The following WDR1 variants were observed in gnomAD, a reference collection of about 807,000 sequenced individuals.
WDR1 encodes the protein WD repeat-containing protein 1.
Under a neutral mutation model 71.9 loss-of-function variants are expected in WDR1, and 21 were observed. That is an observed-to-expected ratio of 0.29 (90% CI 0.21 to 0.42). The LOEUF is 0.42. Among genes scored for constraint, WDR1 ranks in the 10% least tolerant of loss-of-function variants. The probability of loss-of-function intolerance (pLI) is 1.00; values close to 1 mark genes in which losing one functional copy is unlikely to be tolerated. For missense variants in WDR1, 696 were observed against 824.5 expected (o/e 0.84, Z 1.91); for synonymous variants, 424 against 347.4 (o/e 1.22, Z -2.45).
chr4:10,084,234 C>A (rs1377224935), intron 9 of WDR1, among the ~76,000 whole-genome samples: 1 of 152,138 alleles, frequency 6.6e-6, no homozygotes, highest in East Asian at 1.9e-4. Context: ...TCAGCATAAG[C>A]CCTGGAGTTG....
chr4:10,083,509 A>C, intron 9 of WDR1: 1 of 489,186 alleles, frequency 2.0e-6, no homozygotes, highest in Non-Finnish European at 4.0e-6. Flanking sequence ...ACATTTCTTT[A>C]TGTTTTGGGG....
intron 5 of WDR1, 27 bp from the exon 6 acceptor site, chr4:10,088,768 T>C: frequency 6.5e-7 from 1 of 1,550,278 alleles, no homozygotes; most frequent in Non-Finnish European, 8.8e-7. Flanking sequence ...ACCTGCCTGA[T>C]GAGGGGCCGC....
intron 6 of WDR1, 62 bp downstream of exon 6, chr4:10,088,602 G>A (rs767349232): frequency 2.8e-6 from 4 of 1,423,190 alleles, no homozygotes; most frequent in Admixed American, 1.9e-5. Context: ...CTGCGGCTCT[G>A]AGCAGTCACG....
intron 2 of WDR1, among the ~76,000 whole-genome samples, chr4:10,113,184 C>T (rs1488260416): frequency 6.6e-6 from 1 of 152,162 alleles, no homozygotes; most frequent in African/African-American, 2.4e-5. Context: ...CACGGCGAAA[C>T]CCCGTTACCT....
intron 14 of WDR1, 120 bp downstream of exon 14, chr4:10,077,184 T>A (rs1764832052): frequency 7.5e-7 from 1 of 1,332,624 alleles, no homozygotes; most frequent in African/African-American, 1.5e-5. Flanking sequence ...CCGGGCCACC[T>A]GTCTAGAAGC....
At chr4:10,077,107 C>T (rs1375036407) in intron 14 of WDR1, 197 bp downstream of exon 14, 2 of 769,602 alleles carry the variant, frequency 2.6e-6, no homozygotes, top group Non-Finnish European at 4.0e-6. Context: ...ATGGGGCCCC[C>T]GTGGTCCCTC....
chr4:10,093,055 C>A, intron 5 of WDR1: 1 of 1,289,458 alleles, frequency 7.8e-7, no homozygotes, highest in Non-Finnish European at 1.0e-6. Flanking sequence ...CCGAGGAAAC[C>A]GAGGCTTGAA....
At chr4:10,078,731 T>C (rs1327620964) in intron 12 of WDR1, 160 bp downstream of exon 12, 2 of 591,200 alleles carry the variant, frequency 3.4e-6, no homozygotes, top group Admixed American at 3.6e-5. Flanking sequence ...GGAGATGGCG[T>C]GGCTGGGCCC....
intron 5 of WDR1, among the ~76,000 whole-genome samples, chr4:10,090,286 A>AC (rs1711884566): frequency 6.6e-6 from 1 of 152,150 alleles, no homozygotes; most frequent in Admixed American, 6.5e-5. Flanking sequence ...GTAATAACCC[A>AC]CCAAGGTGAG....
intron 5 of WDR1, chr4:10,096,763 A>G (rs953276213): frequency 1.3e-5 from 2 of 150,546 alleles, no homozygotes; most frequent in Non-Finnish European, 3.0e-5. Flanking sequence ...TTAATCCTCC[A>G]TGAGGCAGAC....
At chr4:10,080,118 C>A (rs575972377) in intron 11 of WDR1, among the ~76,000 whole-genome samples, 1 of 152,352 alleles carries the variant, frequency 6.6e-6, no homozygotes, top group African/African-American at 2.4e-5. Context: ...CTGTCCCCTG[C>A]ACACCACAAC....
intron 14 of WDR1, 104 bp downstream of exon 14, chr4:10,077,200 G>C: frequency 6.9e-7 from 1 of 1,442,522 alleles, no homozygotes. Flanking sequence ...GAAGCACAGA[G>C]GCTACTTAGC....
chr4:10,081,527 A>C, intron 10 of WDR1, 83 bp from the exon 11 acceptor site: 1 of 1,341,428 alleles, frequency 7.5e-7, no homozygotes, highest in Non-Finnish European at 1.1e-6. Flanking sequence ...GTTAAACCAC[A>C]GTTTTGCTCC....
Position 10,083,645 on chromosome 4 carries a change from C to G in WDR1, c.1040-467G>C, listed in dbSNP as rs534161817. ...TCCACACAAAAGGCAGTCTCCAACA[C>G]AGCACGGTGCTCAGGGAGGGCAGCA... On this transcript the variant is annotated intron_variant, in intron 9 of 14. Transcript: ENST00000499869. The G allele has an allele frequency of 6.0e-5, 29 of 481,794 alleles. No homozygotes were observed. The Admixed American group carries it at 6.0e-4, about 10-fold the overall frequency. 29.8% of individuals were successfully genotyped at this position (481,794 alleles called of 1,614,324 possible).
At chr4:10,104,662 C>T (rs887950449) in intron 2 of WDR1, among the ~76,000 whole-genome samples, 7 of 152,162 alleles carry the variant, frequency 4.6e-5, no homozygotes, top group Non-Finnish European at 1.0e-4. Context: ...CCCTGCGCCT[C>T]CCTCCCGGCA....
intron 9 of WDR1, 29 bp downstream of exon 9, chr4:10,084,414 C>T (rs1010052680): frequency 8.1e-6 from 13 of 1,604,898 alleles, no homozygotes; most frequent in African/African-American, 1.3e-5. Context: ...CCAGCGGCTC[C>T]GGAGCCAGCT....
intron 3 of WDR1, among the ~76,000 whole-genome samples, chr4:10,101,372 G>A (rs1712674764): frequency 6.6e-6 from 1 of 152,250 alleles, no homozygotes; most frequent in Non-Finnish European, 1.5e-5. Flanking sequence ...GGCCAGCACG[G>A]CTCTTTCTCA....
At position 10,115,229 on chromosome 4, in the gene WDR1, G is replaced by C. The variant is rs923253345; in HGVS notation, c.138+884C>G. On this transcript the variant is annotated intron_variant, in intron 2 of 14. Transcript: ENST00000499869. The stretch of plus-strand genomic sequence containing the variant: ...CCCCACCAATTCCATCACTCAGGCT[G>C]AGGAAGGGAAAAGCAAAATTTAAGC... 7.2e-5 allele frequency among the ~76,000 whole-genome samples: 11 copies of C among 152,334 alleles called. 2 individuals are homozygous for C. The highest frequency in any genetic ancestry group is 3.9e-4 in the Admixed American group (6 of 15,300).
Position 10,116,635 on chromosome 4 carries a change from G to A in WDR1, c.16+16C>T. The A allele has an allele frequency of 1.6e-6, 2 of 1,248,080 alleles. No individual in the cohort carries two copies. Among genetic ancestry groups the A allele is most frequent in the African/African-American group, 1.6e-5 (1 of 63,834 alleles). The allele number at this position is 1,248,080 out of a possible 1,614,324, so 77.3% of individuals were successfully genotyped here. Reference sequence around the variant, plus strand: ...AGCGCGGCGGCCGCTCGGGGGCCCCGCGCCGCGGCACTTACTGATCTCGTA... The same window carrying A: ...AGCGCGGCGGCCGCTCGGGGGCCCCACGCCGCGGCACTTACTGATCTCGTA... On this transcript the variant is annotated intron_variant, in intron 1 of 14. Transcript: ENST00000499869.
Sources: allele counts gnomAD v4.1 joint callset (sites outside exome capture counted in the v4.1 genomes callset), GRCh38; gene constraint gnomAD v4.1.1; transcripts MANE v1.5; gene names NCBI Gene and HGNC (gene_info 2026-07-23, HGNC 2026-07-21).